The following OLFM2 variants were observed in gnomAD, a reference collection of about 807,000 sequenced individuals.
OLFM2 encodes noelin-2.
A neutral mutation model predicts 43.9 loss-of-function variants in OLFM2; 20 were observed. That is an observed-to-expected ratio of 0.46 (90% CI 0.32 to 0.66). The LOEUF (loss-of-function observed/expected upper bound fraction) is 0.66. OLFM2 is among the 30% of genes least tolerant of loss of function. OLFM2 has a pLI of 0.04. For missense variants in OLFM2, 416 were observed against 643.6 expected (o/e 0.65, Z 3.83); for synonymous variants, 268 against 278.6 (o/e 0.96, Z 0.38).
At chr19:9,906,155 G>A (rs797020890) in intron 1 of OLFM2, among the ~76,000 whole-genome samples, 3 of 152,200 alleles carry the variant, frequency 2.0e-5, no homozygotes, top group African/African-American at 7.2e-5. Flanking sequence ...CAGTCTACAC[G>A]CCCATGGCCA....
chr19:9,913,641 G>A (rs1478619279), intron 1 of OLFM2: 3 of 1,257,772 alleles, frequency 2.4e-6, no homozygotes, highest in Non-Finnish European at 3.0e-6. Flanking sequence ...CATGCCCCGC[G>A]GCCGCCCGCC....
At chr19:9,863,416 C>T (rs745428947) in intron 1 of OLFM2, among the ~76,000 whole-genome samples, 1 of 151,680 alleles carries the variant, frequency 6.6e-6, no homozygotes, top group East Asian at 1.9e-4. Context: ...CTCTAGGGAA[C>T]GAGGGAGGGA....
At chr19:9,926,070 G>A (rs182566138) in intron 1 of OLFM2, among the ~76,000 whole-genome samples, 2 of 152,106 alleles carry the variant, frequency 1.3e-5, no homozygotes, top group East Asian at 3.9e-4. Context: ...CCAGGAGATA[G>A]AGGTTGCAGC....
intron 1 of OLFM2, among the ~76,000 whole-genome samples, chr19:9,911,711 A>G (rs939087685): frequency 1.3e-5 from 2 of 152,186 alleles, no homozygotes; most frequent in African/African-American, 4.8e-5. Context: ...GCTCTTATAT[A>G]CTTATTTATA....
intron 1 of OLFM2, among the ~76,000 whole-genome samples, chr19:9,909,481 C>T (rs1410090212): frequency 6.6e-6 from 1 of 152,070 alleles, no homozygotes; most frequent in East Asian, 1.9e-4. Flanking sequence ...CACGTCTTCC[C>T]AGAGATGGTC....
At chr19:9,882,420 C>T (rs571494328) in intron 1 of OLFM2, among the ~76,000 whole-genome samples, 58 of 151,268 alleles carry the variant, frequency 3.8e-4, no homozygotes, top group African/African-American at 1.3e-3. Context: ...CGCCTGTAGT[C>T]CCAGCTACTC....
At chr19:9,921,775 A>T (rs907358733) in intron 1 of OLFM2, among the ~76,000 whole-genome samples, 1 of 151,964 alleles carries the variant, frequency 6.6e-6, no homozygotes, top group South Asian at 2.1e-4. Flanking sequence ...ATGAGCCACC[A>T]CACCCAGCCT....
intron 1 of OLFM2, among the ~76,000 whole-genome samples, chr19:9,897,237 G>A (rs560821572): frequency 1.3e-5 from 2 of 151,398 alleles, no homozygotes; most frequent in East Asian, 2.0e-4. Context: ...GCTGAGGCAG[G>A]AGAATCACTT....
intron 5 of OLFM2, among the ~76,000 whole-genome samples, chr19:9,855,736 A>G (rs1489794205): frequency 6.6e-6 from 1 of 151,412 alleles, no homozygotes; most frequent in Non-Finnish European, 1.5e-5. Flanking sequence ...AGGTCTCGCA[A>G]TGTTGCCCAG....
At chr19:9,913,485 T>G in intron 1 of OLFM2, 1 of 1,099,490 alleles carries the variant, frequency 9.1e-7, no homozygotes, top group Non-Finnish European at 1.1e-6. Context: ...CCACTCACGA[T>G]TTTCTCAGAG....
At chr19:9,931,847 G>T (rs181918365) in intron 1 of OLFM2, among the ~76,000 whole-genome samples, 109 of 152,274 alleles carry the variant, frequency 7.2e-4, no homozygotes, top group Non-Finnish European at 1.3e-3. Context: ...GGGATCATAG[G>T]TATCAGCCAT....
At chr19:9,935,255 CTATTT>C (rs1194006328) in intron 1 of OLFM2, among the ~76,000 whole-genome samples, 1 of 152,126 alleles carries the variant, frequency 6.6e-6, no homozygotes, top group Non-Finnish European at 1.5e-5. Flanking sequence ...ATCATAATGA[CTATTT>C]TATTATTTTT....
At chr19:9,898,550 G>A (rs1345164079) in intron 1 of OLFM2, among the ~76,000 whole-genome samples, 1 of 151,876 alleles carries the variant, frequency 6.6e-6, no homozygotes, top group African/African-American at 2.4e-5. Context: ...TGTGTGTGGA[G>A]ACTGGGTCTT....
intron 1 of OLFM2, among the ~76,000 whole-genome samples, chr19:9,912,117 C>T (rs1454884839): frequency 6.6e-6 from 1 of 152,040 alleles, no homozygotes; most frequent in Non-Finnish European, 1.5e-5. Flanking sequence ...CCCCCATATA[C>T]ACACCGAAAC....
chr19:9,911,684 T>C (rs562303415), intron 1 of OLFM2, among the ~76,000 whole-genome samples: 31 of 152,164 alleles, frequency 2.0e-4, no homozygotes, highest in Admixed American at 1.1e-3. Context: ...ACACACAAAA[T>C]CATAACTCAT....
chr19:9,860,905 G>A (rs543648896), intron 1 of OLFM2, 111 bp from the exon 2 acceptor site: 144 of 1,116,156 alleles, frequency 1.3e-4, no homozygotes, highest in Non-Finnish European at 1.6e-4. Context: ...GCTGGGCTCC[G>A]GGCATATGCC....
At chr19:9,867,362 C>G (rs1186362792) in intron 1 of OLFM2, among the ~76,000 whole-genome samples, 1 of 152,092 alleles carries the variant, frequency 6.6e-6, no homozygotes, top group African/African-American at 2.4e-5. Flanking sequence ...TAGAGCGAGA[C>G]CCCGTCTCAA....
chr19:9,888,438 C>T (rs2046607532), intron 1 of OLFM2, among the ~76,000 whole-genome samples: 2 of 65,948 alleles, frequency 3.0e-5, no homozygotes, highest in Non-Finnish European at 7.7e-5. Context: ...GCAGGAGAAT[C>T]GCTTGAGCCT....
At chr19:9,861,001 C>T (rs2046362291) in intron 1 of OLFM2, among the ~76,000 whole-genome samples, 1 of 152,082 alleles carries the variant, frequency 6.6e-6, no homozygotes, top group Admixed American at 6.6e-5. Context: ...GCTTAAGGAA[C>T]ACGGCAAGGA....
Sources: gnomAD v4.1 joint callset for allele counts (sites outside exome capture counted in the v4.1 genomes callset) on GRCh38, gnomAD v4.1.1 for gene constraint, MANE v1.5 for transcripts, NCBI Gene and HGNC (gene_info 2026-07-23, HGNC 2026-07-21) for gene names.